Variants in ASCC3 observed in about 807,000 individuals in gnomAD.
ASCC3 encodes the protein ASC-1 complex subunit P200.
In ASCC3, 158 loss-of-function variants were observed where a neutral mutation model predicts 256.3. The observed-to-expected ratio is 0.62, with a 90% CI of 0.54 to 0.70. The LOEUF (loss-of-function observed/expected upper bound fraction) is 0.70, where lower values mean the gene tolerates loss of function less well. Among genes scored for constraint, ASCC3 ranks in the 30% least tolerant of loss-of-function variants. ASCC3 has a pLI of 0.00. For synonymous variants in ASCC3, 948 were observed against 883.4 expected, an observed-to-expected ratio of 1.07 and a Z score of -1.30; for missense variants, 2,259 against 2,626.0, an observed-to-expected ratio of 0.86 and a Z score of 3.05.
intron 4 of ASCC3, among the ~76,000 whole-genome samples, chr6:100,811,874 C>A (rs190026751): frequency 6.6e-6 from 1 of 152,246 alleles, no homozygotes; most frequent in African/African-American, 2.4e-5. Flanking sequence ...CCTCTAAAAT[C>A]ATTCTTTCAA....
At chr6:100,829,617 G>A (rs1771519104) in intron 4 of ASCC3, among the ~76,000 whole-genome samples, 1 of 152,168 alleles carries the variant, frequency 6.6e-6, no homozygotes, top group Non-Finnish European at 1.5e-5. Flanking sequence ...TCCGGCCTTG[G>A]CCAGCCCAGA....
intron 4 of ASCC3, among the ~76,000 whole-genome samples, chr6:100,806,636 A>G (rs1224821017): frequency 1.3e-5 from 2 of 151,986 alleles, no homozygotes; most frequent in African/African-American, 4.8e-5. Context: ...AAGATGTCAT[A>G]TTAACCAAAT....
intron 36 of ASCC3, among the ~76,000 whole-genome samples, chr6:100,584,363 A>G (rs1367223928): frequency 6.6e-6 from 1 of 151,282 alleles, no homozygotes; most frequent in Admixed American, 6.8e-5. Context: ...GTGTCTTTTG[A>G]TCTTTGTTGG....
intron 8 of ASCC3, among the ~76,000 whole-genome samples, chr6:100,792,796 C>T (rs1217848766): frequency 6.6e-6 from 1 of 151,882 alleles, no homozygotes; most frequent in Admixed American, 6.6e-5. Flanking sequence ...TAAAATTGCA[C>T]TAACAACTGA....
At chr6:100,667,735 A>C (rs1776554626) in intron 14 of ASCC3, among the ~76,000 whole-genome samples, 2 of 152,114 alleles carry the variant, frequency 1.3e-5, no homozygotes, top group South Asian at 4.1e-4. Flanking sequence ...AAACAGAATG[A>C]GGAGAGTCAA....
chr6:100,863,210 C>T (rs749495413), intron 3 of ASCC3, among the ~76,000 whole-genome samples: 1 of 152,138 alleles, frequency 6.6e-6, no homozygotes, highest in Non-Finnish European at 1.5e-5. Context: ...AGGGGTTTTA[C>T]CAGTCATTTG....
In ASCC3 at chr6:100,642,778, A is replaced by G. The variant is rs749158741; in HGVS notation, c.3733-29T>C. On this transcript the variant is annotated intron_variant, in intron 23 of 41. Transcript: ENST00000369162. ...ATATGAAATACAGTCAAAAATAAAT[A>G]TGGATATTCTAATAGCATAAAGGCC... The G allele has an allele frequency of 1.9e-6, 3 of 1,576,662 alleles. No homozygotes were observed. In the South Asian group the frequency reaches 3.3e-5, roughly 17 times the overall value.
At chr6:100,593,949 T>C (rs1430928796) in intron 34 of ASCC3, among the ~76,000 whole-genome samples, 2 of 152,018 alleles carry the variant, frequency 1.3e-5, no homozygotes, top group Non-Finnish European at 2.9e-5. Flanking sequence ...GTGTGTATGT[T>C]ATATGTATAT....
At chr6:100,685,034 C>A (rs1487773019) in intron 13 of ASCC3, among the ~76,000 whole-genome samples, 1 of 151,982 alleles carries the variant, frequency 6.6e-6, no homozygotes, top group Non-Finnish European at 1.5e-5. Flanking sequence ...GTCTCGATCT[C>A]CTGACCTCGT....
At chr6:100,543,157 C>T (rs1775545166) in intron 36 of ASCC3, among the ~76,000 whole-genome samples, 1 of 152,052 alleles carries the variant, frequency 6.6e-6, no homozygotes, top group Non-Finnish European at 1.5e-5. Context: ...GTAGTATTTG[C>T]ATGTAACTTA....
At chr6:100,873,099 A>T (rs888646492) in intron 1 of ASCC3, among the ~76,000 whole-genome samples, 3 of 152,018 alleles carry the variant, frequency 2.0e-5, no homozygotes, top group African/African-American at 7.3e-5. Context: ...TCAAGGAAGC[A>T]CCAGAGAAAG....
At chr6:100,756,059 A>G (rs1781165912) in intron 10 of ASCC3, among the ~76,000 whole-genome samples, 1 of 152,046 alleles carries the variant, frequency 6.6e-6, no homozygotes, top group Non-Finnish European at 1.5e-5. Context: ...GTTGGAATAC[A>G]ATACAAAAGT....
rs190554609 is a variant in ASCC3, at chr6:100,868,412, T to C, written c.-41-374A>G. The stretch of plus-strand genomic sequence containing the variant: ...TTCAAATTACACCACTTTCCAGTGG[T>C]TTCCTCTGCTTGGAATGGTTTCCCT... On this transcript the variant is annotated intron_variant, in intron 1 of 41. Coordinates refer to ENST00000369162, the MANE Select transcript of ASCC3 (RefSeq NM_006828.4). 5.3e-5 allele frequency among the ~76,000 whole-genome samples: 8 copies of C among 152,298 alleles called. No individual in the cohort carries two copies. The East Asian group carries it at 1.4e-3, about 26-fold the overall frequency.
intron 39 of ASCC3, among the ~76,000 whole-genome samples, chr6:100,513,538 T>C (rs1238584969): frequency 2.6e-5 from 4 of 152,164 alleles, no homozygotes; most frequent in African/African-American, 9.6e-5. Flanking sequence ...TGTACATTTT[T>C]TGGCCCATAT....
chr6:100,832,667 T>C (rs1373441830), intron 4 of ASCC3, among the ~76,000 whole-genome samples: 2 of 152,094 alleles, frequency 1.3e-5, no homozygotes, highest in African/African-American at 4.8e-5. Flanking sequence ...CCCATTCATG[T>C]TTAAAACAAA....
chr6:100,582,897 T>A (rs996720708), intron 36 of ASCC3, among the ~76,000 whole-genome samples: 2 of 152,210 alleles, frequency 1.3e-5, no homozygotes, highest in East Asian at 1.9e-4. Flanking sequence ...ATTTATTGAT[T>A]TGCGTATATT....
chr6:100,648,465 T>C (rs1477759082), intron 20 of ASCC3, among the ~76,000 whole-genome samples: 2 of 152,054 alleles, frequency 1.3e-5, no homozygotes, highest in Non-Finnish European at 2.9e-5. Flanking sequence ...CCTAAAATTA[T>C]GAAGTCAAAA....
intron 36 of ASCC3, among the ~76,000 whole-genome samples, chr6:100,585,706 T>C (rs895956988): frequency 2.7e-4 from 41 of 152,306 alleles, no homozygotes; most frequent in African/African-American, 9.6e-4. Context: ...CCCATCTTTG[T>C]GGTTTTATCT....
intron 10 of ASCC3, among the ~76,000 whole-genome samples, chr6:100,740,456 A>T (rs1410922630): frequency 6.6e-6 from 1 of 152,038 alleles, no homozygotes; most frequent in Non-Finnish European, 1.5e-5. Context: ...GGTCCACTTG[A>T]TCCAAACCTG....
Sources: allele counts gnomAD v4.1 joint callset (sites outside exome capture counted in the v4.1 genomes callset), GRCh38; gene constraint gnomAD v4.1.1; transcripts MANE v1.5; gene names NCBI Gene and HGNC (gene_info 2026-07-23, HGNC 2026-07-21).